Variants in STX3 observed in about 807,000 individuals in gnomAD.
The protein encoded by STX3 is syntaxin 3.
STX3 carries 19 observed loss-of-function variants against 40.2 expected under a neutral mutation model. The ratio of observed to expected loss-of-function variants is 0.47; its 90% confidence interval spans 0.33 to 0.69. The LOEUF (loss-of-function observed/expected upper bound fraction) is 0.69, where lower values mean the gene tolerates loss of function less well. Among genes scored for constraint, STX3 ranks in the 30% least tolerant of loss-of-function variants. The probability of loss-of-function intolerance (pLI) is 0.02; values close to 1 mark genes in which losing one functional copy is unlikely to be tolerated. For missense variants in STX3, 364 were observed against 366.7 expected, an observed-to-expected ratio of 0.99 and a Z score of 0.06; for synonymous variants, 122 against 132.2, an observed-to-expected ratio of 0.92 and a Z score of 0.53.
At chr11:59,780,089 T>G (rs1478773816) in intron 2 of STX3, among the ~76,000 whole-genome samples, 1 of 152,196 alleles carries the variant, frequency 6.6e-6, no homozygotes, top group African/African-American at 2.4e-5. Context: ...TCCTCTGCTC[T>G]TCTCTGTATC....
chr11:59,787,896 T>A (rs185084202), intron 3 of STX3, among the ~76,000 whole-genome samples: 11 of 152,276 alleles, frequency 7.2e-5, no homozygotes, highest in African/African-American at 2.2e-4. Flanking sequence ...CACTCTTTCA[T>A]TTTTCCCATG....
intron 1 of STX3, among the ~76,000 whole-genome samples, chr11:59,769,924 ATGTG>A (rs773705492): frequency 1.4e-5 from 2 of 141,712 alleles, no homozygotes; most frequent in Non-Finnish European, 3.1e-5. Context: ...GTGTGGGTGT[ATGTG>A]TGTAGTGGGG....
At chr11:59,793,256 G>C (rs1033793316) in intron 7 of STX3, 84 bp downstream of exon 7, 3 of 1,606,200 alleles carry the variant, frequency 1.9e-6, no homozygotes, top group Admixed American at 1.7e-5. Context: ...AGCAGGTGGA[G>C]GGGGAGCTGC....
At chr11:59,787,996 G>T (rs149975944) in intron 3 of STX3, among the ~76,000 whole-genome samples, 2 of 152,186 alleles carry the variant, frequency 1.3e-5, no homozygotes, top group Non-Finnish European at 2.9e-5. Context: ...CAGCCAGCCT[G>T]TCTCCTGCCA....
chr11:59,762,351 C>G (rs935947833), intron 1 of STX3, among the ~76,000 whole-genome samples: 6 of 152,206 alleles, frequency 3.9e-5, no homozygotes, highest in African/African-American at 1.4e-4. Flanking sequence ...TCTGCAGGAT[C>G]TTGGTCAGGT....
At position 59,773,213 on chromosome 11, in the gene STX3, G is replaced by T; in HGVS notation, c.33G>T (p.Lys11Asn). The change falls in exon 2 of 11, where the codon AAG (lysine) becomes AAT (asparagine). Residue 11 changes from lysine to asparagine, a missense_variant and splice_region_variant. Physicochemically the swap from Lys to Asn is moderately conservative, Grantham distance 94. Coordinates refer to ENST00000337979, the MANE Select transcript of STX3 (RefSeq NM_004177.5). MKDRLEQLKA[K>N]QLTQDDDTDA... ...CTGCTCTTTTTTGCCTTTTGCAGAA[G>T]CAGCTGACACAGGATGATGATACTG... The T allele has an allele frequency of 6.2e-7, 1 of 1,613,956 alleles. No individual in the cohort carries two copies. Among genetic ancestry groups the T allele is most frequent in the Non-Finnish European group, 8.5e-7 (1 of 1,179,932 alleles).
chr11:59,795,309 C>T lies in STX3; in HGVS notation c.676-63C>T, dbSNP rs477945. ...AGATTGTAAGAAAGAGAATCCCTTC[C>T]CCGCATTGGCTAGGACTGACCTGAG... is the stretch of plus-strand genomic sequence containing the variant. On this transcript the variant is annotated intron_variant, in intron 8 of 10. Coordinates refer to ENST00000337979, the MANE Select transcript of STX3 (RefSeq NM_004177.5). 3,553 of 1,343,586 alleles carry T rather than the reference C, an allele frequency of 2.6e-3. 74 individuals are homozygous for T. In the African/African-American group the frequency reaches 0.044, roughly 17 times the overall value. 83.2% of individuals were successfully genotyped at this position (1,343,586 alleles called of 1,614,324 possible). A position where few individuals can be genotyped will look rare whatever the true frequency, so the allele number is the denominator to read the frequency against.
intron 1 of STX3, among the ~76,000 whole-genome samples, chr11:59,771,119 G>GACACAC (rs1202513254): frequency 6.6e-6 from 1 of 152,106 alleles, no homozygotes; most frequent in Non-Finnish European, 1.5e-5. Context: ...AGCAGACACA[G>GACACAC]ACACACATAC....
At position 59,773,297 on chromosome 11, in the gene STX3, A is replaced by T; in HGVS notation, c.114+3A>T. 6.2e-7 allele frequency: 1 copy of T among 1,613,958 alleles called. No individual in the cohort carries two copies. The highest frequency in any genetic ancestry group is 8.5e-7 in the Non-Finnish European group (1 of 1,179,874). Reference sequence around the variant, plus strand: ...TTATGGACGAGTTCTTTTCTGAGGTAGGCAACCTTCCTGTATTTTTTTCTA... The same window carrying T: ...TTATGGACGAGTTCTTTTCTGAGGTTGGCAACCTTCCTGTATTTTTTTCTA... On this transcript the variant is annotated splice_donor_region_variant and intron_variant, in intron 2 of 10. Coordinates refer to ENST00000337979, the MANE Select transcript of STX3 (RefSeq NM_004177.5).
Position 59,791,983 on chromosome 11 carries a change from T to C in STX3, c.358-124T>C, listed in dbSNP as rs1243882969. 1.1e-5 allele frequency: 9 copies of C among 805,996 alleles called. No homozygotes were observed. The Admixed American group carries it at 1.9e-4, about 17-fold the overall frequency. 49.9% of individuals were successfully genotyped at this position (805,996 alleles called of 1,614,324 possible). A position where few individuals can be genotyped will look rare whatever the true frequency, so the allele number is the denominator to read the frequency against. ...CAAAGCTAGGAAACAAAAAACTTGG[T>C]TTGACACCTGGTTTTTTGATTCCAA... On this transcript the variant is annotated intron_variant, in intron 5 of 10. Transcript: ENST00000337979.
Position 59,801,627 on chromosome 11 carries a change from G to A in STX3, c.*803G>A, listed in dbSNP as rs1477873426. The A allele has an allele frequency of 1.0e-6, 1 of 985,378 alleles. No individual in the cohort carries two copies. Among genetic ancestry groups the A allele is most frequent in the African/African-American group, 1.7e-5 (1 of 57,196 alleles). 61.0% of individuals were successfully genotyped at this position (985,378 alleles called of 1,614,324 possible). ...TGATGCTTTGTGAGACTATTGTCTTGGGGCCAAAAATAATCAGGGATTTTA... is the reference window on the plus strand; with the variant it reads ...TGATGCTTTGTGAGACTATTGTCTTAGGGCCAAAAATAATCAGGGATTTTA... On this transcript the variant is annotated 3_prime_UTR_variant, in exon 11 of 11. Coordinates refer to ENST00000337979, the MANE Select transcript of STX3 (RefSeq NM_004177.5).
chr11:59,764,700 C>A (rs906642129), intron 1 of STX3, among the ~76,000 whole-genome samples: 1 of 152,134 alleles, frequency 6.6e-6, no homozygotes, highest in African/African-American at 2.4e-5. Context: ...TGGGCTCCCA[C>A]AGACTTGCCT....
chr11:59,766,752 G>A (rs180814078), intron 1 of STX3, among the ~76,000 whole-genome samples: 13 of 152,374 alleles, frequency 8.5e-5, no homozygotes, highest in East Asian at 1.9e-4. Flanking sequence ...CCTGAGCAGC[G>A]TGCAGTGCGA....
intron 2 of STX3, among the ~76,000 whole-genome samples, chr11:59,775,463 T>A (rs1262633369): frequency 6.6e-6 from 1 of 152,220 alleles, no homozygotes; most frequent in Non-Finnish European, 1.5e-5. Flanking sequence ...TCTTTTCCAA[T>A]AACTGTGTTC....
chr11:59,773,107 A>T (rs1363135167), intron 1 of STX3, 104 bp from the exon 2 acceptor site: 1 of 1,091,442 alleles, frequency 9.2e-7, no homozygotes, highest in African/African-American at 1.6e-5. Flanking sequence ...AAAGGAAATT[A>T]TGTGTAAAAT....
chr11:59,780,151 GAC>G (rs1347341988), intron 2 of STX3, among the ~76,000 whole-genome samples: 1 of 152,154 alleles, frequency 6.6e-6, no homozygotes, highest in Non-Finnish European at 1.5e-5. Context: ...TGGTATATTT[GAC>G]TAAGGAGAGT....
intron 1 of STX3, among the ~76,000 whole-genome samples, chr11:59,770,420 T>G (rs1863543658): frequency 6.6e-6 from 1 of 151,838 alleles, no homozygotes; most frequent in South Asian, 2.1e-4. Flanking sequence ...TGGGTATATG[T>G]ATGTATACAG....
chr11:59,761,382 A>G (rs1863025843), intron 1 of STX3, among the ~76,000 whole-genome samples: 1 of 152,198 alleles, frequency 6.6e-6, no homozygotes, highest in Middle Eastern at 3.2e-3. Flanking sequence ...TTGGTGGTGT[A>G]TACAAATAGC....
chr11:59,793,806 G>A (rs1320505540), intron 8 of STX3, among the ~76,000 whole-genome samples: 3 of 149,500 alleles, frequency 2.0e-5, no homozygotes, highest in Non-Finnish European at 4.5e-5. Flanking sequence ...CTGGATTTTT[G>A]ATTTTTTTTT....
Sources: gnomAD v4.1 joint callset for allele counts (sites outside exome capture counted in the v4.1 genomes callset) on GRCh38, gnomAD v4.1.1 for gene constraint, MANE v1.5 for transcripts, NCBI Gene and HGNC (gene_info 2026-07-23, HGNC 2026-07-21) for gene names.